The following RASEF variants were observed in gnomAD, a reference collection of about 807,000 sequenced individuals.
RASEF encodes ras and EF-hand domain-containing protein.
RASEF carries 68 observed loss-of-function variants against 90.1 expected under a neutral mutation model. The ratio of observed to expected loss-of-function variants is 0.75; its 90% confidence interval spans 0.62 to 0.92. The LOEUF (loss-of-function observed/expected upper bound fraction) is 0.92. Among genes scored for constraint, RASEF ranks in the 40% least tolerant of loss-of-function variants. RASEF has a pLI of 0.00. For synonymous variants in RASEF, 331 were observed against 345.2 expected (o/e 0.96, Z 0.46); for missense variants, 949 against 937.2 (o/e 1.01, Z -0.16).
rs1269114859 is a variant in RASEF, at chr9:82,982,618, A to T, written c.*59T>A. ...GTGCCACTCTGTTAAGAGCCAAATAAGTCACACAAATTCAGTATTCTGGAA... is the reference window on the plus strand; with the variant it reads ...GTGCCACTCTGTTAAGAGCCAAATATGTCACACAAATTCAGTATTCTGGAA... On this transcript the variant is annotated 3_prime_UTR_variant, in exon 17 of 17. Coordinates refer to ENST00000376447, the MANE Select transcript of RASEF (RefSeq NM_152573.4). The T allele has an allele frequency of 2.5e-5, 24 of 959,710 alleles. No homozygotes were observed. The Admixed American group carries it at 2.9e-4, about 12-fold the overall frequency. 59.4% of individuals were successfully genotyped at this position (959,710 alleles called of 1,614,324 possible).
intron 16 of RASEF, among the ~76,000 whole-genome samples, chr9:82,988,314 T>G (rs557385717): frequency 6.6e-6 from 1 of 152,208 alleles, no homozygotes; most frequent in Admixed American, 6.5e-5. Flanking sequence ...GATAAAAGTT[T>G]TACTCTGACT....
the RASEF span, among the ~76,000 whole-genome samples, chr9:83,193,562 G>A: frequency 6.6e-6 from 1 of 152,174 alleles, no homozygotes. Flanking sequence ...ACAGTGCCTA[G>A]CACAGTTCTT....
chr9:83,136,657 AT>A, the RASEF span, among the ~76,000 whole-genome samples: 2 of 152,212 alleles, frequency 1.3e-5, no homozygotes, highest in Non-Finnish European at 1.5e-5. Context: ...TCCAGAGTTT[AT>A]TTCACATATT....
At chr9:83,089,065 C>G in the RASEF span, among the ~76,000 whole-genome samples, 1 of 151,900 alleles carries the variant, frequency 6.6e-6, no homozygotes, top group Non-Finnish European at 1.5e-5. Flanking sequence ...ATTTATTTTA[C>G]TATTTTTTAT....
At chr9:83,019,279 A>G in intron 3 of RASEF, among the ~76,000 whole-genome samples, 1 of 152,164 alleles carries the variant, frequency 6.6e-6, no homozygotes, top group Non-Finnish European at 1.5e-5. Flanking sequence ...TTTAAAAAAA[A>G]CTGTATTTGT....
chr9:83,061,452 G>C (rs1202373165), intron 1 of RASEF, among the ~76,000 whole-genome samples: 1 of 152,174 alleles, frequency 6.6e-6, no homozygotes, highest in Non-Finnish European at 1.5e-5. Context: ...ACGACAGCCA[G>C]AGCTCAGCAA....
At chr9:83,036,007 A>G (rs532614527) in intron 1 of RASEF, among the ~76,000 whole-genome samples, 2 of 152,238 alleles carry the variant, frequency 1.3e-5, no homozygotes, top group Non-Finnish European at 2.9e-5. Flanking sequence ...AAAACAATCC[A>G]GGGTGAATTT....
At chr9:83,200,471 T>C in the RASEF span, among the ~76,000 whole-genome samples, 26 of 152,308 alleles carry the variant, frequency 1.7e-4, no homozygotes, top group Middle Eastern at 3.4e-3. Context: ...CTTGCACTTG[T>C]TGCTGGCCTG....
the RASEF span, among the ~76,000 whole-genome samples, chr9:83,149,635 C>T: frequency 6.6e-6 from 1 of 152,176 alleles, no homozygotes; most frequent in Admixed American, 6.5e-5. Flanking sequence ...AACCCAGTGG[C>T]TTTGAGTAAG....
At chr9:83,114,988 T>C in the RASEF span, among the ~76,000 whole-genome samples, 7 of 152,174 alleles carry the variant, frequency 4.6e-5, no homozygotes, top group Non-Finnish European at 1.0e-4. Flanking sequence ...TAATAAAAAC[T>C]TGCTGGTTTT....
At chr9:83,073,056 T>G in the RASEF span, among the ~76,000 whole-genome samples, 1 of 152,238 alleles carries the variant, frequency 6.6e-6, no homozygotes, top group South Asian at 2.1e-4. Flanking sequence ...CAGTTCAAAT[T>G]TGTGGCACGT....
chr9:83,144,380 AAAGAAAGAAAGGAAAGAAAG>A, the RASEF span, among the ~76,000 whole-genome samples: 49 of 58,808 alleles, frequency 8.3e-4, 2 homozygotes, highest in African/African-American at 3.8e-3. Flanking sequence ...AGAAAGAAAG[AAAGAAAGAAAGGAAAGAAAG>A]AAAGAAAGAA....
chr9:83,151,519 T>C, the RASEF span, among the ~76,000 whole-genome samples: 1 of 152,200 alleles, frequency 6.6e-6, no homozygotes, highest in African/African-American at 2.4e-5. Flanking sequence ...AACAGTGTTA[T>C]ATAATAGTTC....
At chr9:83,130,848 C>T in the RASEF span, among the ~76,000 whole-genome samples, 2 of 152,168 alleles carry the variant, frequency 1.3e-5, no homozygotes, top group Non-Finnish European at 2.9e-5. Flanking sequence ...CCCAGGTTGT[C>T]CTAGTTCCTC....
the RASEF span, among the ~76,000 whole-genome samples, chr9:83,166,421 A>T: frequency 2.0e-5 from 3 of 152,148 alleles, no homozygotes; most frequent in African/African-American, 7.2e-5. Context: ...TACACTTGAC[A>T]CACAGGGTTG....
the RASEF span, among the ~76,000 whole-genome samples, chr9:83,182,370 T>C: frequency 6.6e-6 from 1 of 152,208 alleles, no homozygotes; most frequent in African/African-American, 2.4e-5. Context: ...TCCACCGACA[T>C]TGGCACCACA....
intron 1 of RASEF, chr9:83,048,490 A>C (rs1209504286): frequency 1.0e-6 from 1 of 985,120 alleles, no homozygotes; most frequent in East Asian, 1.1e-4. Flanking sequence ...ACTATTTCTA[A>C]GTACTCAGTG....
intron 4 of RASEF, among the ~76,000 whole-genome samples, chr9:83,013,987 G>C (rs10116254): frequency 0.52 from 79,463 of 151,990 alleles, 20,998 homozygotes; most frequent in East Asian, 0.73. Flanking sequence ...TGACACATGG[G>C]CTTTCTTACT....
chr9:83,189,426 C>T, the RASEF span, among the ~76,000 whole-genome samples: 2 of 152,194 alleles, frequency 1.3e-5, no homozygotes, highest in Admixed American at 1.3e-4. Context: ...TAAGAACAGA[C>T]TAATACACCA....
Sources: allele counts gnomAD v4.1 joint callset (sites outside exome capture counted in the v4.1 genomes callset), GRCh38; gene constraint gnomAD v4.1.1; transcripts MANE v1.5; gene names NCBI Gene and HGNC (gene_info 2026-07-23, HGNC 2026-07-21).